CRACDL: variants seen among roughly 807,000 people sequenced by gnomAD.
CRACDL encodes the protein CRACD-like protein.
A neutral mutation model predicts 70.6 loss-of-function variants in CRACDL; 26 were observed. The observed-to-expected ratio is 0.37, with a 90% CI of 0.27 to 0.51. The LOEUF is 0.51. Ranked by LOEUF, CRACDL falls within the 20% of genes least tolerant of loss-of-function variation. The probability of loss-of-function intolerance (pLI) is 0.94; values close to 1 mark genes in which losing one functional copy is unlikely to be tolerated. For synonymous variants in CRACDL, 618 were observed against 615.2 expected (o/e 1.00, Z -0.07); for missense variants, 1,283 against 1,376.9 (o/e 0.93, Z 1.08).
chr2:98,836,776 G>A (rs1227650345), intron 3 of CRACDL, among the ~76,000 whole-genome samples: 1 of 152,120 alleles, frequency 6.6e-6, no homozygotes, highest in Non-Finnish European at 1.5e-5. Flanking sequence ...AGAGTTCAGA[G>A]AACCGCCTAA....
At chr2:98,932,176 G>T (rs1210499516) in intron 1 of CRACDL, among the ~76,000 whole-genome samples, 1 of 152,174 alleles carries the variant, frequency 6.6e-6, no homozygotes, top group African/African-American at 2.4e-5. Context: ...GTGTTTGCAG[G>T]TATCTAGACA....
chr2:98,869,249 T>C (rs1475781039), intron 1 of CRACDL: 2 of 1,271,712 alleles, frequency 1.6e-6, no homozygotes, highest in African/African-American at 3.1e-5. Context: ...CAAGAGCCCT[T>C]GTCCCCATCT....
rs1370787325 is a variant in CRACDL, at chr2:98,838,224, G to A, written c.134C>T (p.Ser45Leu). 1.2e-6 allele frequency: 2 copies of A among 1,613,206 alleles called. No homozygotes were observed. Among genetic ancestry groups the A allele is most frequent in the African/African-American group, 1.3e-5 (1 of 74,860 alleles). ...GGTGCTACTTCCTGTGGACGACGGC[G>A]ATTCTTTTCTCTTCTTCTTCCCAAA... ...KFFGKKKRKE[S>L]PSSTGSSTWK... Residue 45 changes from serine to leucine, a missense_variant, in exon 3 of 10, where the codon TCG (serine) becomes TTG (leucine). Around this residue, in one of 2 missense-constraint regions of CRACDL, gnomAD observed 362 missense variants for 495.0 expected, o/e 0.73. Coordinates refer to ENST00000397899, the MANE Select transcript of CRACDL (RefSeq NM_207362.3).
At chr2:98,831,576 A>G (rs545231282) in intron 5 of CRACDL, among the ~76,000 whole-genome samples, 1 of 152,314 alleles carries the variant, frequency 6.6e-6, no homozygotes, top group African/African-American at 2.4e-5. Flanking sequence ...CATCCTCCAC[A>G]GTCAGGCTTG....
rs573095225 is a variant in CRACDL, at chr2:98,910,776, G to T, written c.-11+25162C>A. On this transcript the variant is annotated intron_variant, in intron 1 of 9. Coordinates refer to ENST00000397899, the MANE Select transcript of CRACDL (RefSeq NM_207362.3). ...GCTCCATTCACCTGCTGGTGGCCTC[G>T]GCCAGGGTTTGCCCTGACAGGGCCC... Among the ~76,000 whole-genome samples the T allele has an allele frequency of 4.6e-5, 7 of 152,306 alleles. No homozygotes were observed. In the East Asian group the frequency reaches 1.4e-3, roughly 29 times the overall value.
chr2:98,866,937 T>C (rs1707169952), intron 1 of CRACDL, among the ~76,000 whole-genome samples: 2 of 152,172 alleles, frequency 1.3e-5, no homozygotes, highest in Admixed American at 6.5e-5. Flanking sequence ...ATCTACCCTA[T>C]AGCCACACAG....
At chr2:98,843,512 T>C (rs1706125199) in intron 2 of CRACDL, among the ~76,000 whole-genome samples, 1 of 152,230 alleles carries the variant, frequency 6.6e-6, no homozygotes, top group African/African-American at 2.4e-5. Context: ...TTAAAGGCGT[T>C]AGAGTTTTAC....
chr2:98,827,504 C>G (rs746561335), intron 5 of CRACDL, among the ~76,000 whole-genome samples: 4 of 152,186 alleles, frequency 2.6e-5, no homozygotes, highest in Non-Finnish European at 5.9e-5. Context: ...GTTGGCCAGG[C>G]TGGTCTTAAA....
intron 1 of CRACDL, among the ~76,000 whole-genome samples, chr2:98,878,973 GAAAGTCCCTCT>G (rs1488873498): frequency 4.6e-5 from 7 of 152,114 alleles, no homozygotes; most frequent in African/African-American, 1.7e-4. Flanking sequence ...TATGACCACA[GAAAGTCCCTCT>G]GGCCTGGCCC....
chr2:98,919,211 G>A (rs1024814956), intron 1 of CRACDL, among the ~76,000 whole-genome samples: 4 of 152,180 alleles, frequency 2.6e-5, no homozygotes, highest in African/African-American at 4.8e-5. Context: ...CCAGTGCCAT[G>A]CTGTTTTGGT....
At chr2:98,934,110 T>C (rs1709149845) in intron 1 of CRACDL, among the ~76,000 whole-genome samples, 1 of 152,164 alleles carries the variant, frequency 6.6e-6, no homozygotes, top group South Asian at 2.1e-4. Context: ...ATATGAATTT[T>C]TGGGGGGACA....
intron 1 of CRACDL, among the ~76,000 whole-genome samples, chr2:98,911,363 G>A (rs1361879695): frequency 2.0e-5 from 3 of 152,216 alleles, no homozygotes; most frequent in Non-Finnish European, 4.4e-5. Flanking sequence ...GCAGAGGGAT[G>A]TGGACAGGGT....
At chr2:98,914,268 G>T (rs1298761113) in intron 1 of CRACDL, among the ~76,000 whole-genome samples, 1 of 152,170 alleles carries the variant, frequency 6.6e-6, no homozygotes, top group African/African-American at 2.4e-5. Flanking sequence ...CAACTCGCAG[G>T]GTCCTGCTGG....
intron 7 of CRACDL, among the ~76,000 whole-genome samples, chr2:98,802,059 C>T (rs901225483): frequency 3.3e-5 from 5 of 152,268 alleles, no homozygotes; most frequent in African/African-American, 1.2e-4. Flanking sequence ...CAGGCTGACT[C>T]TTGGCTCCCT....
chr2:98,855,574 T>C (rs1179537346), intron 1 of CRACDL, among the ~76,000 whole-genome samples: 1 of 152,112 alleles, frequency 6.6e-6, no homozygotes, highest in Non-Finnish European at 1.5e-5. Context: ...TTCAGAATGG[T>C]AGTGTGAAGA....
At chr2:98,851,292 C>G (rs1432240422) in intron 1 of CRACDL, among the ~76,000 whole-genome samples, 2 of 152,106 alleles carry the variant, frequency 1.3e-5, no homozygotes, top group Non-Finnish European at 2.9e-5. Context: ...AGGACAGTGC[C>G]CGACCAGAGA....
At chr2:98,885,761 C>A (rs1026071305) in intron 1 of CRACDL, among the ~76,000 whole-genome samples, 1 of 152,174 alleles carries the variant, frequency 6.6e-6, no homozygotes, top group Non-Finnish European at 1.5e-5. Context: ...AGTGACAAAA[C>A]TGATCTCTCT....
chr2:98,794,955 C>T (rs1175749675), intron 9 of CRACDL, among the ~76,000 whole-genome samples: 2 of 149,042 alleles, frequency 1.3e-5, no homozygotes, highest in Non-Finnish European at 3.0e-5. Flanking sequence ...CAGCAATGTC[C>T]CTCACTTAAA....
chr2:98,924,968 G>A (rs1392624759), intron 1 of CRACDL, among the ~76,000 whole-genome samples: 2 of 152,162 alleles, frequency 1.3e-5, no homozygotes, highest in Non-Finnish European at 2.9e-5. Flanking sequence ...GAGTGCAGAG[G>A]AGGAAGGTCA....
Sources: allele counts gnomAD v4.1 joint callset (sites outside exome capture counted in the v4.1 genomes callset), GRCh38; gene constraint gnomAD v4.1.1; regional missense constraint gnomAD v4.1.1; transcripts MANE v1.5; gene names NCBI Gene and HGNC (gene_info 2026-07-23, HGNC 2026-07-21).